The following RYR1 variants were observed in gnomAD, a reference collection of about 807,000 sequenced individuals.
RYR1 encodes ryanodine receptor 1, also known as central core disease of muscle.
A neutral mutation model predicts 583.5 loss-of-function variants in RYR1; 342 were observed. The ratio of observed to expected loss-of-function variants is 0.59; its 90% confidence interval spans 0.54 to 0.64. The LOEUF is 0.64. Among genes scored for constraint, RYR1 ranks in the 30% least tolerant of loss-of-function variants. The pLI is 0.00. For missense variants in RYR1, 6,032 were observed against 6,917.2 expected, an observed-to-expected ratio of 0.87 and a Z score of 4.54; for synonymous variants, 2,791 against 2,822.5, an observed-to-expected ratio of 0.99 and a Z score of 0.35.
At chr19:38,450,610 T>A (rs1568442740) in intron 11 of RYR1, among the ~76,000 whole-genome samples, 1 of 151,582 alleles carries the variant, frequency 6.6e-6, no homozygotes, top group Non-Finnish European at 1.5e-5. Context: ...GGTGGGGAGG[T>A]GGTATCTGAT....
At position 38,469,078 on chromosome 19, in the gene RYR1, G is replaced by A. The variant is rs559581937; in HGVS notation, c.3494G>A (p.Gly1165Asp). The A allele has an allele frequency of 7.4e-6, 12 of 1,614,146 alleles. No homozygotes were observed. In the South Asian group the frequency reaches 1.2e-4, roughly 16 times the overall value. Residue 1165 changes from glycine (G) to aspartate (D), a missense_variant, in exon 26 of 106, where the codon GGC becomes GAC. Around this residue, in one of 11 missense-constraint regions of RYR1, gnomAD observed 2,627 missense variants for 2,961.3 expected, o/e 0.89. Coordinates refer to ENST00000359596, the MANE Select transcript of RYR1 (RefSeq NM_000540.3). Reference sequence around the variant, plus strand: ...AACACCATTATCTTCACCCTCAATGGCGAGGTCCTCATGTCTGACTCAGGC... The same window carrying A: ...AACACCATTATCTTCACCCTCAATGACGAGGTCCTCATGTCTGACTCAGGC... ...TENTIIFTLN[G>D]EVLMSDSGSE...
At chr19:38,531,226 G>A (rs912346502) in intron 76 of RYR1, among the ~76,000 whole-genome samples, 33 of 152,150 alleles carry the variant, frequency 2.2e-4, no homozygotes, top group Non-Finnish European at 4.3e-4. Flanking sequence ...GCAAGGTGAT[G>A]AAGAATTTGA....
chr19:38,490,835 C>A, intron 37 of RYR1, 103 bp downstream of exon 37: 4 of 757,218 alleles, frequency 5.3e-6, no homozygotes, highest in South Asian at 4.3e-5. Context: ...AGTATCGGTG[C>A]TATGTAACTA....
At position 38,515,034 on chromosome 19, in the gene RYR1, G is replaced by A. The variant is rs772820826; in HGVS notation, c.9481G>A (p.Val3161Ile). ...CCCCCTGTCTCCCTCAGTGGACGAC[G>A]TCCAGGTCTCTTGCTACCGAACGCT... ...QFGDDVILDDVQVSCYRTLCS... is the reference protein window; with the variant it reads ...QFGDDVILDDIQVSCYRTLCS... The change falls in exon 64 of 106, where the codon GTC becomes ATC. Residue 3161 changes from valine (V) to isoleucine (I), a missense_variant. Val to Ile is a conservative substitution (Grantham distance 29). Around this residue, in one of 11 missense-constraint regions of RYR1, gnomAD observed 1,493 missense variants for 1,715.5 expected, o/e 0.87. Transcript: ENST00000359596. 5 of 1,613,256 alleles carry A rather than the reference G, an allele frequency of 3.1e-6. No individual in the cohort carries two copies. Among genetic ancestry groups the A allele is most frequent in the Non-Finnish European group, 4.2e-6 (5 of 1,179,716 alleles).
chr19:38,511,775 G>T (rs1308448681), intron 61 of RYR1, among the ~76,000 whole-genome samples, 165 bp downstream of exon 61: 4 of 152,190 alleles, frequency 2.6e-5, no homozygotes, highest in Admixed American at 1.3e-4. Context: ...TGACTGAGAT[G>T]CCCTGGGCCT....
chr19:38,528,757 C>T (rs1227916783), intron 75 of RYR1, 62 bp downstream of exon 75: 4 of 1,556,268 alleles, frequency 2.6e-6, no homozygotes, highest in Non-Finnish European at 3.5e-6. Flanking sequence ...GCGGAGGCCA[C>T]CCTTGGCACA....
At chr19:38,549,613 CAT>C (rs568851326) in intron 89 of RYR1, among the ~76,000 whole-genome samples, 151 of 150,802 alleles carry the variant, frequency 1.0e-3, no homozygotes, top group African/African-American at 3.4e-3. Flanking sequence ...AAGAACAGCA[CAT>C]AGAATTTCTG....
chr19:38,504,429 G>A, intron 50 of RYR1, 69 bp downstream of exon 50: 3 of 1,578,706 alleles, frequency 1.9e-6, no homozygotes. Context: ...GGGGTCCAGA[G>A]TGAAATCCCT....
In RYR1 at chr19:38,446,528, C is replaced by G. The variant is rs1195526328; in HGVS notation, c.688C>G (p.Leu230Val). The change falls in exon 8 of 106, where the codon CTG becomes GTG. Residue 230 changes from leucine to valine, a missense_variant. Transcript: ENST00000359596. ...CTTTCATGGACATATGGATGAGTGT[C>G]TGACCATTTCCCCTGCTGACAGTGA... is the stretch of plus-strand genomic sequence containing the variant. ...RLFHGHMDEC[L>V]TISPADSDDQ... 6.2e-6 allele frequency: 10 copies of G among 1,614,172 alleles called. No individual in the cohort carries two copies. The highest frequency in any genetic ancestry group is 7.6e-6 in the Non-Finnish European group (9 of 1,180,012).
chr19:38,561,255 T>C lies in RYR1; in HGVS notation c.12425T>C (p.Val4142Ala), dbSNP rs1451845120. 1 of 1,614,078 alleles carries C rather than the reference T, an allele frequency of 6.2e-7. No individual in the cohort carries two copies. Residue 4142 changes from valine to alanine, a missense_variant, in exon 90 of 106, where the codon GTG (valine) becomes GCG (alanine). This residue lies in a region of RYR1 where 753 missense variants were observed against 759.6 expected (regional missense o/e 0.99). Transcript: ENST00000359596. The surrounding 1 kb of genome is among the most constrained non-coding windows in gnomAD (Gnocchi z 4.8). ...QEPARDIGFN[V>A]AVLLTNLSEH... ...CCAGCACGCGACATCGGCTTCAACG[T>C]GGCGGTGCTGCTGACCAACCTGTCG...
At chr19:38,502,788 G>A in intron 48 of RYR1, 61 bp downstream of exon 48, 2 of 1,105,844 alleles carry the variant, frequency 1.8e-6, no homozygotes, top group Non-Finnish European at 2.4e-6. Flanking sequence ...GGCAGGGGCA[G>A]GGGCAGGGGC....
chr19:38,458,204 C>G lies in RYR1; in HGVS notation c.2079C>G (p.Pro693=), dbSNP rs751125357. The change falls in exon 18 of 106, where the codon CCC becomes CCG. Residue 693 remains proline, a synonymous_variant. Coordinates refer to ENST00000359596, the MANE Select transcript of RYR1 (RefSeq NM_000540.3). ...GGGCCCTCACCGAGGGCTACACCCC[C>G]TACCCTGGGGCCGGCGAGGGCTGGG... ...VGWALTEGYT[P]YPGAGEGWGG... The G allele has an allele frequency of 6.2e-7, 1 of 1,613,980 alleles. No individual in the cohort carries two copies. The highest frequency in any genetic ancestry group is 8.5e-7 in the Non-Finnish European group (1 of 1,180,032).
chr19:38,521,735 G>A (rs1421241232), intron 67 of RYR1, among the ~76,000 whole-genome samples: 1 of 142,820 alleles, frequency 7.0e-6, no homozygotes, highest in African/African-American at 2.6e-5. Flanking sequence ...TTTTTTTTGA[G>A]ATGGAGTCTC....
rs759665884 is a variant in RYR1 at position 38,511,601 on chromosome 19, T to A, written c.9163T>A (p.Ser3055Thr). ...KLAALVRHRV[S>T]LFGTDAPAVV... Reference sequence around the variant, plus strand: ...TGCTGCTCTCGTCCGCCACCGAGTCTCTCTCTTTGGTAAGTGGCTCCACAC... The same window carrying A: ...TGCTGCTCTCGTCCGCCACCGAGTCACTCTCTTTGGTAAGTGGCTCCACAC... The change falls in exon 61 of 106, where the codon TCT becomes ACT. Residue 3055 changes from serine to threonine, a missense_variant. By Grantham distance (58) the Ser-to-Thr change is moderately conservative. This residue lies in a region of RYR1 where 1,493 missense variants were observed against 1,715.5 expected (regional missense o/e 0.87). Transcript: ENST00000359596. 1 of 1,614,142 alleles carries A rather than the reference T, an allele frequency of 6.2e-7. No homozygotes were observed. Among genetic ancestry groups the A allele is most frequent in the South Asian group, 1.1e-5 (1 of 91,082 alleles).
chr19:38,505,466 G>T, intron 53 of RYR1, 68 bp downstream of exon 53: 15 of 1,132,728 alleles, frequency 1.3e-5, no homozygotes, highest in Non-Finnish European at 2.0e-5. Flanking sequence ...ATTCGGGGAG[G>T]AGTGAGGCAA....
intron 84 of RYR1, among the ~76,000 whole-genome samples, chr19:38,540,215 C>T (rs1430729671): frequency 1.3e-5 from 2 of 151,906 alleles, no homozygotes; most frequent in Non-Finnish European, 2.9e-5. Context: ...TGGCTCATGC[C>T]TGTAATCCCA....
At chr19:38,441,590 A>G (rs949683209) in intron 2 of RYR1, among the ~76,000 whole-genome samples, 2 of 151,034 alleles carry the variant, frequency 1.3e-5, no homozygotes, top group Non-Finnish European at 3.0e-5. Context: ...CTTGGATCCA[A>G]GGCAAAGGGG....
At position 38,478,466 on chromosome 19, in the gene RYR1, G is replaced by T. The variant is rs760892908; in HGVS notation, c.4486G>T (p.Gly1496Cys). ...GTGTAGCAACTGCTACATGGTGTGG[G>T]GCGGAGACTTTGTGAGTCCCGGGCA... ...LKCSNCYMVW[G>C]GDFVSPGQQG... is the part of the protein sequence containing the mutation. Residue 1496 changes from glycine to cysteine, a missense_variant, in exon 31 of 106, where the codon GGC becomes TGC. Physicochemically the swap from Gly to Cys is radical, Grantham distance 159. Around this residue, in one of 11 missense-constraint regions of RYR1, gnomAD observed 2,627 missense variants for 2,961.3 expected, o/e 0.89. Transcript: ENST00000359596. 1 of 1,613,974 alleles carries T rather than the reference G, an allele frequency of 6.2e-7. No individual in the cohort carries two copies. The highest frequency in any genetic ancestry group is 8.5e-7 in the Non-Finnish European group (1 of 1,180,042).
Position 38,561,038 on chromosome 19 carries a change from C to CT in RYR1, c.12283-73dup, listed in dbSNP as rs1354193334. On this transcript the variant is annotated intron_variant, in intron 89 of 105. Transcript: ENST00000359596. The surrounding 1 kb of genome is among the most constrained non-coding windows in gnomAD (Gnocchi z 4.8). ...CCTGGGCGACACAGCGAGACCTTGT[C>CT]TTAAAAAAAAAAAAAAAAAGAGAGA... 28 of 1,217,652 alleles carry CT rather than the reference C, an allele frequency of 2.3e-5. No homozygotes were observed. Among genetic ancestry groups the CT allele is most frequent in the East Asian group, 1.0e-4 (4 of 39,842 alleles). The allele number at this position is 1,217,652 out of a possible 1,614,324, so 75.4% of individuals were successfully genotyped here.
Sources: gnomAD v4.1 joint callset for allele counts (sites outside exome capture counted in the v4.1 genomes callset) on GRCh38, gnomAD v4.1.1 for gene constraint, gnomAD v4.1.1 regional missense constraint, Gnocchi (gnomAD v3.1) non-coding constraint, MANE v1.5 for transcripts, NCBI Gene and HGNC (gene_info 2026-07-23, HGNC 2026-07-21) for gene names.